MINDY4: variants seen among roughly 807,000 people sequenced by gnomAD.
The protein encoded by MINDY4 is MINDY lysine 48 deubiquitinase 4.
A neutral mutation model predicts 87.0 loss-of-function variants in MINDY4; 68 were observed. The ratio of observed to expected loss-of-function variants is 0.78; its 90% CI spans 0.64 to 0.96. MINDY4 has a LOEUF of 0.96. MINDY4 is among the 40% of genes least tolerant of loss of function. MINDY4 has a pLI of 0.00. For synonymous variants in MINDY4, 379 were observed against 363.2 expected (o/e 1.04, Z -0.50); for missense variants, 919 against 928.2 (o/e 0.99, Z 0.13).
At chr7:30,841,312 G>A (rs1011845818) in intron 9 of MINDY4, among the ~76,000 whole-genome samples, 2 of 152,198 alleles carry the variant, frequency 1.3e-5, no homozygotes, top group Non-Finnish European at 2.9e-5. Flanking sequence ...CACACATTAA[G>A]TGTTTGCACA....
rs1345065056 is a variant in MINDY4 at position 30,872,309 on chromosome 7, C to G, written c.1809+3C>G. On this transcript the variant is annotated splice_donor_region_variant and intron_variant, in intron 14 of 17. Transcript: ENST00000265299. The stretch of plus-strand genomic sequence containing the variant: ...GAGCACATGGCTACTGTACACAGGT[C>G]AGGGGGCGCTGTGGGGCCCAGGTGG... 1 of 1,613,820 alleles carries G rather than the reference C, an allele frequency of 6.2e-7. No homozygotes were observed. Among genetic ancestry groups the G allele is most frequent in the Non-Finnish European group, 8.5e-7 (1 of 1,179,906 alleles).
At chr7:30,796,121 C>CAT (rs148191490) in intron 5 of MINDY4, among the ~76,000 whole-genome samples, 22 of 149,948 alleles carry the variant, frequency 1.5e-4, no homozygotes, top group South Asian at 8.4e-4. Context: ...GAGCACTGTA[C>CAT]TTTTTTTTTT....
At chr7:30,869,165 A>T (rs1460001421) in intron 13 of MINDY4, among the ~76,000 whole-genome samples, 1 of 152,180 alleles carries the variant, frequency 6.6e-6, no homozygotes, top group Non-Finnish European at 1.5e-5. Context: ...TCCAGCCCCC[A>T]GGAGGACATG....
In MINDY4 at chr7:30,782,183, A is replaced by T. The variant is rs566970031; in HGVS notation, c.390A>T (p.Arg130Ser). Residue 130 changes from arginine (R) to serine (S), a missense_variant, in exon 3 of 18, where the codon AGA becomes AGT. Physicochemically the swap from Arg to Ser is moderately radical, Grantham distance 110. Coordinates refer to ENST00000265299, the MANE Select transcript of MINDY4 (RefSeq NM_032222.3). ...TTTCAGATGAAGATGCAGGATGGAG[A>T]ACATCATTGTCAGAAACAAGCAAAG... ...YDLSDEDAGWRTSLSETSKAR... is the reference protein window; with the variant it reads ...YDLSDEDAGWSTSLSETSKAR... 1.2e-4 allele frequency: 197 copies of T among 1,613,220 alleles called. 4 individuals are homozygous for T. In the South Asian group the frequency reaches 2.1e-3, roughly 17 times the overall value.
intron 13 of MINDY4, among the ~76,000 whole-genome samples, chr7:30,866,358 G>GT (rs1212366011): frequency 3.3e-5 from 5 of 152,256 alleles, no homozygotes; most frequent in African/African-American, 1.2e-4. Context: ...CCTCAACTGT[G>GT]TGGGTGGGGT....
At chr7:30,785,114 T>C (rs1324493403) in intron 3 of MINDY4, among the ~76,000 whole-genome samples, 1 of 151,270 alleles carries the variant, frequency 6.6e-6, no homozygotes, top group Non-Finnish European at 1.5e-5. Context: ...TATTCAATGG[T>C]GTGCCCAACA....
chr7:30,791,678 G>T, intron 5 of MINDY4, 104 bp downstream of exon 5: 9 of 1,253,094 alleles, frequency 7.2e-6, no homozygotes, highest in African/African-American at 3.0e-5. Flanking sequence ...AGTCTCCTTG[G>T]TCTCTCAGAA....
intron 17 of MINDY4, among the ~76,000 whole-genome samples, chr7:30,883,769 C>G (rs1790545920): frequency 6.6e-6 from 1 of 152,144 alleles, no homozygotes; most frequent in African/African-American, 2.4e-5. Flanking sequence ...GAGGGAGAGG[C>G]CTGGATCCTG....
In MINDY4 at chr7:30,830,358, G is replaced by T. The variant is rs543355316; in HGVS notation, c.1132+1621G>T. Among the ~76,000 whole-genome samples, 10 of 152,260 alleles carry T rather than the reference G, an allele frequency of 6.6e-5. No individual in the cohort carries two copies. In the South Asian group the frequency reaches 2.1e-3, roughly 32 times the overall value. On this transcript the variant is annotated intron_variant, in intron 6 of 17. Coordinates refer to ENST00000265299, the MANE Select transcript of MINDY4 (RefSeq NM_032222.3). Reference sequence around the variant, plus strand: ...CAGCAGTGCTTAAGTGCTTTAATAAGCCAGGTTCTGTGATGGGTTTCTGTA... The same window carrying T: ...CAGCAGTGCTTAAGTGCTTTAATAATCCAGGTTCTGTGATGGGTTTCTGTA...
chr7:30,830,412 A>G (rs1788663926), intron 6 of MINDY4, among the ~76,000 whole-genome samples: 1 of 152,188 alleles, frequency 6.6e-6, no homozygotes, highest in African/African-American at 2.4e-5. Context: ...GCTAATAAAG[A>G]CATACCAGAA....
At chr7:30,806,013 G>T (rs1046917110) in intron 5 of MINDY4, among the ~76,000 whole-genome samples, 1 of 152,170 alleles carries the variant, frequency 6.6e-6, no homozygotes, top group Non-Finnish European at 1.5e-5. Flanking sequence ...GCTCAGTAAC[G>T]ATAATTGATG....
At chr7:30,813,237 G>C (rs1036463149) in intron 5 of MINDY4, among the ~76,000 whole-genome samples, 2 of 152,168 alleles carry the variant, frequency 1.3e-5, no homozygotes, top group African/African-American at 4.8e-5. Flanking sequence ...AGGAGAAAAG[G>C]GATTGTGCTG....
At chr7:30,813,739 G>A (rs1285578139) in intron 5 of MINDY4, among the ~76,000 whole-genome samples, 1 of 152,186 alleles carries the variant, frequency 6.6e-6, no homozygotes, top group Non-Finnish European at 1.5e-5. Context: ...AAATTCCACA[G>A]CTCTCTGGTT....
At chr7:30,886,450 T>G (rs1039962332) in intron 17 of MINDY4, among the ~76,000 whole-genome samples, 3 of 152,348 alleles carry the variant, frequency 2.0e-5, no homozygotes, top group Non-Finnish European at 2.9e-5. Flanking sequence ...CAGCTGGCTG[T>G]CTGGCAGCTT....
intron 5 of MINDY4, chr7:30,796,698 T>C (rs1032717705): frequency 4.6e-5 from 7 of 152,122 alleles, no homozygotes; most frequent in African/African-American, 1.7e-4. Context: ...TGTAGCAAAG[T>C]TATTTTCATA....
chr7:30,851,381 C>G (rs948144771), intron 10 of MINDY4, among the ~76,000 whole-genome samples: 1 of 152,142 alleles, frequency 6.6e-6, no homozygotes, highest in Non-Finnish European at 1.5e-5. Flanking sequence ...CAATTACTTA[C>G]TTGGATGGCT....
At position 30,839,310 on chromosome 7, in the gene MINDY4, G is replaced by T; in HGVS notation, c.1350G>T (p.Gln450His). 1 of 1,586,024 alleles carries T rather than the reference G, an allele frequency of 6.3e-7. No individual in the cohort carries two copies. The highest frequency in any genetic ancestry group is 8.6e-7 in the Non-Finnish European group (1 of 1,166,286). Residue 450 changes from glutamine (Q) to histidine (H), a missense_variant, in exon 8 of 18, where the codon CAG (glutamine) becomes CAT (histidine). Transcript: ENST00000265299. ...CCTCATTAAAATACGGCATAGTGCAGAACAAGGCAGGTTGCTCCTAGGTTT... is the reference window on the plus strand; with the variant it reads ...CCTCATTAAAATACGGCATAGTGCATAACAAGGCAGGTTGCTCCTAGGTTT... Reference protein sequence around the residue: ...NTASLKYGIVQNKGGPCGVLA... With the variant: ...NTASLKYGIVHNKGGPCGVLA...
At chr7:30,821,124 A>G (rs939395678) in intron 5 of MINDY4, among the ~76,000 whole-genome samples, 1 of 152,052 alleles carries the variant, frequency 6.6e-6, no homozygotes, top group African/African-American at 2.4e-5. Flanking sequence ...TCCCATTCCC[A>G]TGCTCCTGTT....
intron 14 of MINDY4, among the ~76,000 whole-genome samples, chr7:30,874,653 G>A (rs953872687): frequency 5.9e-5 from 9 of 152,150 alleles, no homozygotes; most frequent in African/African-American, 1.9e-4. Flanking sequence ...CTCATGCCAC[G>A]TAGCAAGACA....
Sources: gnomAD v4.1 joint callset for allele counts (sites outside exome capture counted in the v4.1 genomes callset) on GRCh38, gnomAD v4.1.1 for gene constraint, MANE v1.5 for transcripts, NCBI Gene and HGNC (gene_info 2026-07-23, HGNC 2026-07-21) for gene names.